PTPRF: variants seen among roughly 807,000 people sequenced by gnomAD.
PTPRF encodes receptor-type tyrosine-protein phosphatase F.
In PTPRF, 59 loss-of-function variants were observed where a neutral mutation model predicts 201.8. That is an observed-to-expected ratio of 0.29 (90% CI 0.24 to 0.36). The LOEUF is 0.36. PTPRF is among the 10% of genes least tolerant of loss of function. The pLI is 1.00. For synonymous variants in PTPRF, 1,088 were observed against 1,089.7 expected, an observed-to-expected ratio of 1.00 and a Z score of 0.03; for missense variants, 2,132 against 2,690.5, an observed-to-expected ratio of 0.79 and a Z score of 4.59.
At chr1:43,538,682 G>A (rs1161079501) in intron 2 of PTPRF, among the ~76,000 whole-genome samples, 2 of 152,222 alleles carry the variant, frequency 1.3e-5, no homozygotes, top group African/African-American at 2.4e-5. Flanking sequence ...CTTACACCAG[G>A]ATCTTTCTTC....
At chr1:43,545,975 A>G (rs1217265680) in intron 3 of PTPRF, among the ~76,000 whole-genome samples, 2 of 152,070 alleles carry the variant, frequency 1.3e-5, no homozygotes, top group East Asian at 3.9e-4. Context: ...CACAGGGCAG[A>G]TTTAGCCAAT....
intron 5 of PTPRF, among the ~76,000 whole-genome samples, chr1:43,561,521 A>G (rs1569945509): frequency 6.6e-6 from 1 of 152,120 alleles, no homozygotes; most frequent in Non-Finnish European, 1.5e-5. Flanking sequence ...GGGGCTGTCA[A>G]CTACCTGATT....
chr1:43,607,846 C>G (rs1299280572), intron 21 of PTPRF, among the ~76,000 whole-genome samples: 1 of 152,238 alleles, frequency 6.6e-6, no homozygotes, highest in Non-Finnish European at 1.5e-5. Context: ...CTTGCCTGGC[C>G]CCTACCCCTT....
Position 43,606,254 on chromosome 1 carries a change from C to G in PTPRF, c.3498C>G (p.Ile1166Met), listed in dbSNP as rs768685317. ...ELELDELLEA[I>M]EQGGEEQRRR... ...TGCTCTGCCAGCTTCTAGAAGCCAT[C>G]GAGCAAGGCGGAGAGGAGCAGCGGC... Residue 1166 changes from isoleucine (I) to methionine (M), a missense_variant, in exon 20 of 34, where the codon ATC (isoleucine) becomes ATG (methionine). Ile to Met is a conservative substitution (Grantham distance 10). Coordinates refer to ENST00000359947, the MANE Select transcript of PTPRF (RefSeq NM_002840.5). 4.3e-6 allele frequency: 7 copies of G among 1,613,116 alleles called. No individual in the cohort carries two copies. The highest frequency in any genetic ancestry group is 5.1e-6 in the Non-Finnish European group (6 of 1,179,788).
chr1:43,573,324 C>T (rs558084107), intron 6 of PTPRF, among the ~76,000 whole-genome samples: 1 of 152,204 alleles, frequency 6.6e-6, no homozygotes, highest in Non-Finnish European at 1.5e-5. Context: ...TCCCGCACTC[C>T]TGCTGTGGCC....
chr1:43,591,376 A>T lies in PTPRF; in HGVS notation c.1354A>T (p.Thr452Ser), dbSNP rs958996158. 1.9e-6 allele frequency: 3 copies of T among 1,556,120 alleles called. No homozygotes were observed. The highest frequency in any genetic ancestry group is 2.6e-6 in the Non-Finnish European group (3 of 1,151,560). Residue 452 changes from threonine to serine, a missense_variant, in exon 9 of 34, where the codon ACT (threonine) becomes TCT (serine). This residue lies in a region of PTPRF where 351 missense variants were observed against 401.7 expected (regional missense o/e 0.87). Transcript: ENST00000359947. ...GLVRGYRVYY[T>S]PDSRRPPNAW... Reference sequence around the variant, plus strand: ...GGTGCGGGGATACCGCGTCTACTATACTCCGGACTCCCGCCGCCCCCCGAA... The same window carrying T: ...GGTGCGGGGATACCGCGTCTACTATTCTCCGGACTCCCGCCGCCCCCCGAA...
chr1:43,575,870 C>T (rs1398240739), intron 6 of PTPRF: 1 of 1,349,698 alleles, frequency 7.4e-7, no homozygotes, highest in Middle Eastern at 2.1e-4. Context: ...TATACTAATG[C>T]TTCTCTCTGA....
Position 43,605,537 on chromosome 1 carries a change from A to G in PTPRF, c.3398A>G (p.Tyr1133Cys). 6.2e-7 allele frequency: 1 copy of G among 1,614,086 alleles called. No individual in the cohort carries two copies. Among genetic ancestry groups the G allele is most frequent in the Non-Finnish European group, 8.5e-7 (1 of 1,179,998 alleles). The change falls in exon 19 of 34, where the codon TAC (tyrosine) becomes TGC (cysteine). Residue 1133 changes from tyrosine to cysteine, a missense_variant. Coordinates refer to ENST00000359947, the MANE Select transcript of PTPRF (RefSeq NM_002840.5). Reference sequence around the variant, plus strand: ...CTGCCCTGCCCACCCAGGTGGTTCTACATTGTTGTGGTGCCCATTGACCGT... The same window carrying G: ...CTGCCCTGCCCACCCAGGTGGTTCTGCATTGTTGTGGTGCCCATTGACCGT... ...VQDPSLVRWF[Y>C]IVVVPIDRVG...
intron 8 of PTPRF, among the ~76,000 whole-genome samples, chr1:43,590,682 T>TTA (rs1222995049): frequency 1.3e-5 from 2 of 152,208 alleles, no homozygotes; most frequent in Non-Finnish European, 2.9e-5. Context: ...GGTCTGTTTG[T>TTA]TAGATGAGTC....
At chr1:43,598,161 T>C in intron 12 of PTPRF, 108 bp downstream of exon 12, 1 of 1,206,412 alleles carries the variant, frequency 8.3e-7, no homozygotes, top group Non-Finnish European at 1.1e-6. Context: ...CAACTCATCT[T>C]TCTGGTTCAG....
At chr1:43,589,118 C>T (rs1649941720) in intron 8 of PTPRF, 118 bp downstream of exon 8, 1 of 1,238,902 alleles carries the variant, frequency 8.1e-7, no homozygotes, top group East Asian at 2.9e-5. Context: ...CTTGCCCTTT[C>T]CTGGGTGTCC....
In PTPRF at chr1:43,537,973, A is replaced by G. The variant is rs11210867; in HGVS notation, c.-125-225A>G. Among the ~76,000 whole-genome samples the G allele has an allele frequency of 9.6e-3, 1,467 of 152,192 alleles. 16 individuals carry two copies. Among genetic ancestry groups the G allele is most frequent in the African/African-American group, 0.034 (1,399 of 41,522 alleles). On this transcript the variant is annotated intron_variant, in intron 1 of 33. Transcript: ENST00000359947. The surrounding 1 kb of genome is among the most constrained non-coding windows in gnomAD (Gnocchi z 4.8). ...AGCTATATGGCTGGTGCCTGGAAGG[A>G]CGCCCAGCACATAGTAGGTGCTTAG... is the stretch of plus-strand genomic sequence containing the variant.
intron 3 of PTPRF, among the ~76,000 whole-genome samples, chr1:43,549,016 C>A (rs540979974): frequency 7.4e-4 from 112 of 152,338 alleles, no homozygotes; most frequent in Admixed American, 1.2e-3. Flanking sequence ...GCCACTTCCT[C>A]CCACCCTGCA....
chr1:43,585,409 C>G (rs1648881684), intron 7 of PTPRF, among the ~76,000 whole-genome samples: 1 of 152,158 alleles, frequency 6.6e-6, no homozygotes, highest in South Asian at 2.1e-4. Flanking sequence ...GAAAATGTCT[C>G]AGTCTCAGTA....
intron 22 of PTPRF, among the ~76,000 whole-genome samples, chr1:43,610,929 C>T (rs1656285300): frequency 6.6e-6 from 1 of 152,216 alleles, no homozygotes; most frequent in Non-Finnish European, 1.5e-5. Flanking sequence ...ATGCTACCTA[C>T]CTATGGTTGC....
At chr1:43,596,317 A>T (rs1273197252) in intron 11 of PTPRF, among the ~76,000 whole-genome samples, 1 of 152,122 alleles carries the variant, frequency 6.6e-6, no homozygotes, top group Admixed American at 6.5e-5. Flanking sequence ...CCAGGGCATG[A>T]CCACAGCTGT....
chr1:43,618,999 A>T (rs377192942), intron 26 of PTPRF, 49 bp from the exon 27 acceptor site: 2 of 1,590,432 alleles, frequency 1.3e-6, no homozygotes, highest in Non-Finnish European at 1.7e-6. Flanking sequence ...TCCTGAGTCT[A>T]TGGCAGGTAG....
chr1:43,622,495 T>A lies in PTPRF; in HGVS notation c.*492T>A, dbSNP rs1259947873. ...TTGGATCCTTATTTTGTATGACTTC[T>A]GCTGAAGGACAGAACATTGCCTTCC... On this transcript the variant is annotated 3_prime_UTR_variant, in exon 34 of 34. Transcript: ENST00000359947. 1 of 156,662 alleles carries A rather than the reference T, an allele frequency of 6.4e-6. No individual in the cohort carries two copies. Among genetic ancestry groups the A allele is most frequent in the Non-Finnish European group, 1.4e-5 (1 of 70,934 alleles). 9.7% of individuals were successfully genotyped at this position (156,662 alleles called of 1,614,324 possible).
At chr1:43,619,968 G>A (rs1658796952) in intron 29 of PTPRF, 110 bp downstream of exon 29, 1 of 1,561,308 alleles carries the variant, frequency 6.4e-7, no homozygotes, top group South Asian at 1.2e-5. Context: ...AGAGAGGGCT[G>A]GGTAGAGCAG....
Sources: allele counts gnomAD v4.1 joint callset (sites outside exome capture counted in the v4.1 genomes callset), GRCh38; gene constraint gnomAD v4.1.1; regional missense constraint gnomAD v4.1.1; non-coding constraint Gnocchi (gnomAD v3.1); transcripts MANE v1.5; gene names NCBI Gene and HGNC (gene_info 2026-07-23, HGNC 2026-07-21).